KIAA1549L: variants seen among roughly 807,000 people sequenced by gnomAD.
The protein encoded by KIAA1549L is KIAA1549 like.
In KIAA1549L, 88 loss-of-function variants were observed where a neutral mutation model predicts 160.7. That is an observed-to-expected ratio of 0.55 (90% confidence interval 0.46 to 0.65). The LOEUF is 0.65. Ranked by LOEUF, KIAA1549L falls within the 30% of genes least tolerant of loss-of-function variation. The probability of loss-of-function intolerance (pLI) is 0.00; values close to 1 mark genes in which losing one functional copy is unlikely to be tolerated. For synonymous variants in KIAA1549L, 950 were observed against 976.7 expected (o/e 0.97, Z 0.51); for missense variants, 2,258 against 2,437.5 (o/e 0.93, Z 1.55).
At position 33,480,119 on chromosome 11, in the gene KIAA1549L, C is replaced by T. The variant is rs1852377905; in HGVS notation, c.239-61683C>T. Among the ~76,000 whole-genome samples the T allele has an allele frequency of 2.6e-5, 4 of 152,092 alleles. No homozygotes were observed. The South Asian group carries it at 8.3e-4, about 32-fold the overall frequency. On this transcript the variant is annotated intron_variant, in intron 1 of 20. Coordinates refer to ENST00000658780, the MANE Select transcript of KIAA1549L (RefSeq NM_012194.3). ...TATAACCCAAATACAATACAGCTCA[C>T]CCGTTTAAAGTGTGTAATTCAGTGA...
intron 1 of KIAA1549L, among the ~76,000 whole-genome samples, chr11:33,448,023 A>C (rs1851650638): frequency 6.6e-6 from 1 of 152,196 alleles, no homozygotes; most frequent in Admixed American, 6.5e-5. Context: ...ATTGCAAGAC[A>C]AAAGCATCTT....
intron 1 of KIAA1549L, among the ~76,000 whole-genome samples, chr11:33,439,086 C>G (rs1444967192): frequency 6.6e-6 from 1 of 152,088 alleles, no homozygotes; most frequent in African/African-American, 2.4e-5. Context: ...GTCACCACTC[C>G]TGGCTAATTT....
At chr11:33,574,579 A>C in intron 9 of KIAA1549L, 123 bp from the exon 10 acceptor site, 1 of 810,792 alleles carries the variant, frequency 1.2e-6, no homozygotes. Context: ...GAGGTATGTG[A>C]AGGTTGGCGT....
In KIAA1549L at chr11:33,579,638, G is replaced by T. The variant is rs186061426; in HGVS notation, c.4403-3700G>T. ...GGGTGTGATAGGATATCCTAGGAAG[G>T]TTAAGAAAGGTGTTGGGAATTCAAG... On this transcript the variant is annotated intron_variant, in intron 10 of 20. Coordinates refer to ENST00000658780, the MANE Select transcript of KIAA1549L (RefSeq NM_012194.3). Among the ~76,000 whole-genome samples the T allele has an allele frequency of 2.6e-5, 4 of 152,312 alleles. No individual in the cohort carries two copies. The East Asian group carries it at 5.8e-4, about 22-fold the overall frequency.
intron 16 of KIAA1549L, among the ~76,000 whole-genome samples, chr11:33,631,893 C>G (rs1014368915): frequency 6.6e-6 from 1 of 152,148 alleles, no homozygotes; most frequent in African/African-American, 2.4e-5. Context: ...TGCGGTGTCT[C>G]TATTTGTTGG....
intron 1 of KIAA1549L, among the ~76,000 whole-genome samples, chr11:33,540,513 G>C (rs1269408759): frequency 1.3e-5 from 2 of 152,206 alleles, no homozygotes; most frequent in East Asian, 3.8e-4. Context: ...AACATGAACA[G>C]GGAGGATTGA....
At chr11:33,645,050 G>A (rs1366658204) in intron 16 of KIAA1549L, among the ~76,000 whole-genome samples, 1 of 152,258 alleles carries the variant, frequency 6.6e-6, no homozygotes, top group Non-Finnish European at 1.5e-5. Context: ...AGTGAAGAAA[G>A]GCAGGAGAAC....
At chr11:33,454,503 C>T (rs1851782223) in intron 1 of KIAA1549L, among the ~76,000 whole-genome samples, 1 of 152,064 alleles carries the variant, frequency 6.6e-6, no homozygotes, top group Non-Finnish European at 1.5e-5. Flanking sequence ...GCTCAGTGAC[C>T]CTGAGGGCTT....
chr11:33,380,660 T>A (rs1850056349), intron 1 of KIAA1549L, among the ~76,000 whole-genome samples: 2 of 152,124 alleles, frequency 1.3e-5, no homozygotes, highest in Admixed American at 1.3e-4. Flanking sequence ...TGTGTGTGAG[T>A]CTAAGTCTCT....
At chr11:33,653,645 G>T (rs1851959567) in intron 17 of KIAA1549L, among the ~76,000 whole-genome samples, 1 of 152,074 alleles carries the variant, frequency 6.6e-6, no homozygotes, top group Admixed American at 6.5e-5. Context: ...AAAATTCTTA[G>T]CCATTGCTTC....
At chr11:33,554,144 A>G (rs1176814777) in intron 6 of KIAA1549L, among the ~76,000 whole-genome samples, 1 of 152,154 alleles carries the variant, frequency 6.6e-6, no homozygotes, top group African/African-American at 2.4e-5. Context: ...TCATGCTGAC[A>G]TTCCCTTGGG....
rs1852654635 is a variant in KIAA1549L, at chr11:33,670,943, C to T, written c.*2789C>T. 1 of 152,092 alleles carries T rather than the reference C, an allele frequency of 6.6e-6. No individual in the cohort carries two copies. Among genetic ancestry groups the T allele is most frequent in the Admixed American group, 6.5e-5 (1 of 15,272 alleles). The allele number at this position is 152,092 out of a possible 1,614,324, so 9.4% of individuals were successfully genotyped here. A position where few individuals can be genotyped will look rare whatever the true frequency, so the allele number is the denominator to read the frequency against. The stretch of plus-strand genomic sequence containing the variant: ...CTTGCTTTCCATCTCGCCATGTGGC[C>T]TGCAGGCTTGTCAGTAACACATTTC... On this transcript the variant is annotated 3_prime_UTR_variant, in exon 21 of 21. Coordinates refer to ENST00000658780, the MANE Select transcript of KIAA1549L (RefSeq NM_012194.3).
In KIAA1549L at chr11:33,544,960, C is replaced by T. The variant is rs531225970; in HGVS notation, c.2967C>T (p.Ala989=). 4.8e-5 allele frequency: 78 copies of T among 1,613,866 alleles called. No individual in the cohort carries two copies. Among genetic ancestry groups the T allele is most frequent in the South Asian group, 3.5e-4 (32 of 91,080 alleles). Residue 989 remains alanine (A), a synonymous_variant, in exon 3 of 21, where the codon GCC becomes GCT. Coordinates refer to ENST00000658780, the MANE Select transcript of KIAA1549L (RefSeq NM_012194.3). ...TTGCTAAAAATGTCACAAACAAGGCCGCATCTGGCCCAAAGAGGACACCAG... is the reference window on the plus strand; with the variant it reads ...TTGCTAAAAATGTCACAAACAAGGCTGCATCTGGCCCAAAGAGGACACCAG... ...TTLAKNVTNK[A]ASGPKRTPGA...
At chr11:33,426,301 A>G (rs1851114856) in intron 1 of KIAA1549L, among the ~76,000 whole-genome samples, 1 of 152,326 alleles carries the variant, frequency 6.6e-6, no homozygotes. Flanking sequence ...TAAAAACATG[A>G]TACTGGGACA....
At chr11:33,445,162 C>T (rs887330575) in intron 1 of KIAA1549L, among the ~76,000 whole-genome samples, 1 of 152,112 alleles carries the variant, frequency 6.6e-6, no homozygotes, top group Non-Finnish European at 1.5e-5. Flanking sequence ...GGTGAGGAAG[C>T]GAAACCAAGA....
intron 1 of KIAA1549L, among the ~76,000 whole-genome samples, chr11:33,484,719 C>T (rs1299778747): frequency 6.6e-6 from 1 of 152,102 alleles, no homozygotes; most frequent in Non-Finnish European, 1.5e-5. Flanking sequence ...TTAGGTTTTC[C>T]ATGGTTGTGT....
At chr11:33,664,264 G>A (rs1435900519) in intron 20 of KIAA1549L, among the ~76,000 whole-genome samples, 2 of 152,184 alleles carry the variant, frequency 1.3e-5, no homozygotes, top group African/African-American at 4.8e-5. Context: ...CTTAGAACTT[G>A]TCTGCTCCCT....
rs1851211374 is a variant in KIAA1549L, at chr11:33,629,387, C to G, written c.5409+10725C>G. On this transcript the variant is annotated intron_variant, in intron 16 of 20. Transcript: ENST00000658780. ...GGATAATATCCTGCAGAGTGTTTTC[C>G]AACTTGGTTCCATTCTCCCCATGAC... Among the ~76,000 whole-genome samples the G allele has an allele frequency of 1.3e-5, 2 of 152,132 alleles. 1 individual carries two copies. The highest frequency in any genetic ancestry group is 3.8e-4 in the East Asian group (2 of 5,200).
chr11:33,511,882 TGGACC>T (rs1163491749), intron 1 of KIAA1549L, among the ~76,000 whole-genome samples: 2 of 152,228 alleles, frequency 1.3e-5, no homozygotes, highest in African/African-American at 4.8e-5. Context: ...CTGTAAGGAC[TGGACC>T]AGGTGATGCA....
Sources: gnomAD v4.1 joint callset for allele counts (sites outside exome capture counted in the v4.1 genomes callset) on GRCh38, gnomAD v4.1.1 for gene constraint, MANE v1.5 for transcripts, NCBI Gene and HGNC (gene_info 2026-07-23, HGNC 2026-07-21) for gene names.